The following ARAP2 variants were observed in gnomAD, a reference collection of about 807,000 sequenced individuals.
The protein encoded by ARAP2 is ArfGAP with RhoGAP domain, ankyrin repeat and PH domain 2, also known as arf-GAP with Rho-GAP domain, ANK repeat and PH domain-containing protein 2.
In ARAP2, 148 loss-of-function variants were observed where a neutral mutation model predicts 194.5. That is an observed-to-expected ratio of 0.76 (90% confidence interval 0.67 to 0.87). The LOEUF (loss-of-function observed/expected upper bound fraction) is 0.87. ARAP2 is among the 40% of genes least tolerant of loss of function. ARAP2 has a pLI of 0.00. For missense variants in ARAP2, 2,128 were observed against 1,989.7 expected (o/e 1.07, Z -1.32); for synonymous variants, 695 against 683.5 (o/e 1.02, Z -0.26).
chr4:36,061,100 G>A (rs1724358527), downstream of ARAP2, among the ~76,000 whole-genome samples: 1 of 152,038 alleles, frequency 6.6e-6, no homozygotes, highest in Non-Finnish European at 1.5e-5. Context: ...GTACATAGTA[G>A]GTGTATACAC....
chr4:36,128,474 T>TTA, intron 21 of ARAP2, 59 bp downstream of exon 21: 1 of 276,304 alleles, frequency 3.6e-6, no homozygotes, highest in Non-Finnish European at 4.9e-6. Context: ...ATGGTCTATA[T>TTA]TATACACACA....
At chr4:36,091,336 T>C (rs1267294588) in intron 28 of ARAP2, among the ~76,000 whole-genome samples, 1 of 152,146 alleles carries the variant, frequency 6.6e-6, no homozygotes, top group Non-Finnish European at 1.5e-5. Flanking sequence ...ACTCCCTCTT[T>C]TATATCTCTA....
intron 5 of ARAP2, among the ~76,000 whole-genome samples, chr4:36,032,220 G>T (rs1458005717): frequency 6.6e-6 from 1 of 152,120 alleles, no homozygotes; most frequent in Non-Finnish European, 1.5e-5. Flanking sequence ...GCATTCACAG[G>T]TCAAGAACAT....
At chr4:36,048,286 T>C (rs991705954) in intron 3 of ARAP2, among the ~76,000 whole-genome samples, 9 of 152,194 alleles carry the variant, frequency 5.9e-5, no homozygotes, top group African/African-American at 2.2e-4. Context: ...GTTTGTCACA[T>C]GGGTGTATTG....
chr4:36,062,537 G>A (rs751475492), downstream of ARAP2, among the ~76,000 whole-genome samples: 1 of 152,070 alleles, frequency 6.6e-6, no homozygotes, highest in African/African-American at 2.4e-5. Flanking sequence ...ATGAGAGCTA[G>A]GAGGACTAAT....
chr4:36,219,084 G>C (rs1748611706), intron 2 of ARAP2, among the ~76,000 whole-genome samples: 1 of 152,086 alleles, frequency 6.6e-6, no homozygotes, highest in Non-Finnish European at 1.5e-5. Context: ...CAAATGTTGA[G>C]GGTATGAAAC....
At chr4:36,218,660 A>AT (rs1425783905) in intron 2 of ARAP2, among the ~76,000 whole-genome samples, 5 of 152,196 alleles carry the variant, frequency 3.3e-5, no homozygotes, top group African/African-American at 9.6e-5. Flanking sequence ...AAAATAGAAT[A>AT]TTTTTATGTG....
rs145799078 is a variant in ARAP2, at chr4:36,210,455, G to C, written c.1422C>G (p.Ala474=). 3.1e-4 allele frequency: 508 copies of C among 1,613,850 alleles called. No homozygotes were observed. The African/African-American group carries it at 6.3e-3, about 20-fold the overall frequency. The change falls in exon 6 of 33, where the codon GCC becomes GCG. Residue 474 remains alanine, a synonymous_variant. Transcript: ENST00000303965. The stretch of plus-strand genomic sequence containing the variant: ...TCTTTGCAGATGCTCCATAAAAGCA[G>C]GCATAGGGAGATATTGCCTGTGAAG... The part of the protein sequence containing the change: ...AVSSQAISPY[A]CFYGASAKKV...
At chr4:36,018,264 T>C (rs1716241170) in intron 6 of ARAP2, among the ~76,000 whole-genome samples, 1 of 152,146 alleles carries the variant, frequency 6.6e-6, no homozygotes, top group Non-Finnish European at 1.5e-5. Context: ...TGGAATGGTC[T>C]ACGCTGAATT....
chr4:36,143,607 G>C (rs1299100559), intron 19 of ARAP2, among the ~76,000 whole-genome samples: 1 of 151,680 alleles, frequency 6.6e-6, no homozygotes, highest in Non-Finnish European at 1.5e-5. Flanking sequence ...TGTCATCATT[G>C]TTATTATCAG....
intron 5 of ARAP2, among the ~76,000 whole-genome samples, chr4:36,036,216 G>A (rs551586425): frequency 6.6e-6 from 1 of 151,952 alleles, no homozygotes; most frequent in African/African-American, 2.4e-5. Flanking sequence ...TTCCCTACAG[G>A]TATTGATATT....
intron 19 of ARAP2, among the ~76,000 whole-genome samples, chr4:36,135,681 T>A (rs942117370): frequency 8.6e-5 from 13 of 151,810 alleles, no homozygotes; most frequent in Non-Finnish European, 1.5e-5. Context: ...ATAACTCAGA[T>A]AATTTTTTGA....
chr4:36,173,638 A>C (rs1159769963), intron 9 of ARAP2, among the ~76,000 whole-genome samples: 1 of 152,184 alleles, frequency 6.6e-6, no homozygotes, highest in East Asian at 1.9e-4. Context: ...ATAAATGGAC[A>C]AAGAAGATGA....
intron 1 of ARAP2, among the ~76,000 whole-genome samples, chr4:36,230,456 C>T (rs1047104998): frequency 3.9e-5 from 6 of 152,088 alleles, no homozygotes; most frequent in African/African-American, 1.2e-4. Context: ...CAAGATATGA[C>T]ACTGAATAAT....
intron 6 of ARAP2, among the ~76,000 whole-genome samples, chr4:36,203,144 T>C (rs1431253927): frequency 6.6e-6 from 1 of 152,186 alleles, no homozygotes; most frequent in Non-Finnish European, 1.5e-5. Flanking sequence ...AACATAATAG[T>C]CTAGTTTTAT....
intron 5 of ARAP2, among the ~76,000 whole-genome samples, chr4:36,023,778 T>C (rs932831159): frequency 3.3e-5 from 5 of 152,308 alleles, no homozygotes; most frequent in African/African-American, 1.2e-4. Flanking sequence ...AAAGTGGGCA[T>C]GAATGCTGAT....
At chr4:36,060,416 G>C (rs535432354) in intron 1 of ARAP2, among the ~76,000 whole-genome samples, 1 of 152,216 alleles carries the variant, frequency 6.6e-6, no homozygotes, top group South Asian at 2.1e-4. Flanking sequence ...TTTCTAAGCA[G>C]TTACATCTCA....
intron 6 of ARAP2, among the ~76,000 whole-genome samples, chr4:36,193,903 C>T (rs1742508817): frequency 6.6e-6 from 1 of 152,066 alleles, no homozygotes; most frequent in Non-Finnish European, 1.5e-5. Context: ...TTGTAAGGTT[C>T]GGTGCACAAC....
Position 36,199,545 on chromosome 4 carries a change from C to T in ARAP2, c.1488-5898G>A, listed in dbSNP as rs1036389393. On this transcript the variant is annotated intron_variant, in intron 6 of 32. Coordinates refer to ENST00000303965, the MANE Select transcript of ARAP2 (RefSeq NM_015230.4). ...GACCTCATGATCTGCCCGCCTGGAC[C>T]TCCCAAAATGCTGGGTTTACAGGTG... 5.9e-5 allele frequency among the ~76,000 whole-genome samples: 9 copies of T among 152,178 alleles called. No individual in the cohort carries two copies. The South Asian group carries it at 1.2e-3, about 21-fold the overall frequency.
Sources: allele counts gnomAD v4.1 joint callset (sites outside exome capture counted in the v4.1 genomes callset), GRCh38; gene constraint gnomAD v4.1.1; transcripts MANE v1.5; gene names NCBI Gene and HGNC (gene_info 2026-07-23, HGNC 2026-07-21).